Variants in DEFB116 observed in about 807,000 individuals in gnomAD.
The protein encoded by DEFB116 is beta-defensin 116.
A neutral mutation model predicts 2.8 loss-of-function variants in DEFB116; 5 were observed. That is an observed-to-expected ratio of 1.80 (90% CI 0.94 to 3.79). The LOEUF (loss-of-function observed/expected upper bound fraction) is 3.79, where lower values mean the gene tolerates loss of function less well. Among genes scored for constraint, DEFB116 ranks in the 30% most tolerant of loss-of-function variants. The pLI is 0.00. For synonymous variants in DEFB116, 56 were observed against 40.8 expected (o/e 1.37, Z -1.42); for missense variants, 170 against 118.0 (o/e 1.44, Z -2.04).
intron 1 of DEFB116, 108 bp from the exon 2 acceptor site, chr20:31,303,561 A>G: frequency 6.9e-7 from 1 of 1,444,000 alleles, no homozygotes; most frequent in African/African-American, 1.4e-5. Context: ...CAAGATCTGG[A>G]ATCAAAACTA....
At chr20:31,307,116 A>G (rs534147532) in intron 1 of DEFB116, among the ~76,000 whole-genome samples, 3 of 152,240 alleles carry the variant, frequency 2.0e-5, no homozygotes, top group South Asian at 2.1e-4. Context: ...CCATGAAACC[A>G]TCATCACAAT....
Position 31,303,344 on chromosome 20 carries a change from T to A in DEFB116, c.177A>T (p.Leu59Phe), listed in dbSNP as rs1984925664. Residue 59 changes from leucine (L) to phenylalanine (F), a missense_variant, in exon 2 of 2, where the codon TTA (leucine) becomes TTT (phenylalanine). By Grantham distance (22) the Leu-to-Phe change is conservative. Coordinates refer to ENST00000400549, the MANE Select transcript of DEFB116 (RefSeq NM_001037731.1). ...NACREYEIQY[L>F]TCPNDQKCCL... is the part of the protein sequence containing the mutation. ...AGCACTTTTGATCATTTGGGCAGGT[T>A]AAGTATTGGATTTCATATTCTCTGC... is the stretch of plus-strand genomic sequence containing the variant. 1.9e-6 allele frequency: 3 copies of A among 1,613,630 alleles called. No homozygotes were observed. The highest frequency in any genetic ancestry group is 2.5e-6 in the Non-Finnish European group (3 of 1,179,608).
At chr20:31,305,963 C>T (rs907497184) in intron 1 of DEFB116, among the ~76,000 whole-genome samples, 18 of 152,194 alleles carry the variant, frequency 1.2e-4, no homozygotes, top group South Asian at 2.1e-4. Context: ...CACGATTCTG[C>T]CTAGCCTTCT....
At chr20:31,305,314 T>C (rs1450745676) in intron 1 of DEFB116, among the ~76,000 whole-genome samples, 1 of 152,030 alleles carries the variant, frequency 6.6e-6, no homozygotes, top group Non-Finnish European at 1.5e-5. Flanking sequence ...ACTTTTCCTT[T>C]CTACCAAACA....
chr20:31,306,808 C>T (rs1985000366), intron 1 of DEFB116, among the ~76,000 whole-genome samples: 1 of 152,046 alleles, frequency 6.6e-6, no homozygotes. Context: ...TGAGACTGCT[C>T]CCATATCTCT....
At chr20:31,307,431 G>A (rs1481726884) in intron 1 of DEFB116, among the ~76,000 whole-genome samples, 3 of 152,052 alleles carry the variant, frequency 2.0e-5, no homozygotes, top group African/African-American at 7.2e-5. Context: ...ATGGATTAAA[G>A]ACTTAAATCT....
At chr20:31,304,166 T>C (rs1984943008) in intron 1 of DEFB116, among the ~76,000 whole-genome samples, 1 of 152,080 alleles carries the variant, frequency 6.6e-6, no homozygotes, top group African/African-American at 2.4e-5. Context: ...TTTCCACATA[T>C]TGCTAATTGC....
At chr20:31,307,884 T>C (rs1226420298) in intron 1 of DEFB116, among the ~76,000 whole-genome samples, 1 of 151,022 alleles carries the variant, frequency 6.6e-6, no homozygotes, top group Non-Finnish European at 1.5e-5. Flanking sequence ...AAAGCCCAAC[T>C]GCAAAACATA....
At position 31,303,253 on chromosome 20, in the gene DEFB116, T is replaced by A; in HGVS notation, c.268A>T (p.Asn90Tyr). ...CTTGAACTGTTTGTAACTGACAAGT[T>A]GGAGTTAGAGTCGTAATCCTCCTTC... ...NVKEDYDSNSNLSVTNSSSYS... is the reference protein window; with the variant it reads ...NVKEDYDSNSYLSVTNSSSYS... The change falls in exon 2 of 2, where the codon AAC becomes TAC. Residue 90 changes from asparagine to tyrosine, a missense_variant. Coordinates refer to ENST00000400549, the MANE Select transcript of DEFB116 (RefSeq NM_001037731.1). 1 of 1,613,564 alleles carries A rather than the reference T, an allele frequency of 6.2e-7. No individual in the cohort carries two copies. The highest frequency in any genetic ancestry group is 1.3e-5 in the African/African-American group (1 of 75,010).
At chr20:31,307,376 A>G (rs1985014463) in intron 1 of DEFB116, among the ~76,000 whole-genome samples, 1 of 152,166 alleles carries the variant, frequency 6.6e-6, no homozygotes, top group South Asian at 2.1e-4. Context: ...GCAAAATAAT[A>G]AAATTGGATA....
chr20:31,305,929 TG>T (rs1407473962), intron 1 of DEFB116, among the ~76,000 whole-genome samples: 1 of 152,124 alleles, frequency 6.6e-6, no homozygotes, highest in Non-Finnish European at 1.5e-5. Context: ...AAAATACTAA[TG>T]GGCTCCTGTT....
chr20:31,308,423 T>C (rs1985045132), intron 1 of DEFB116, 96 bp downstream of exon 1: 1 of 1,217,684 alleles, frequency 8.2e-7, no homozygotes, highest in Admixed American at 1.8e-5. Flanking sequence ...GCTTTAGGTG[T>C]TGCCCACTAT....
intron 1 of DEFB116, among the ~76,000 whole-genome samples, chr20:31,306,467 T>C (rs996235178): frequency 6.6e-6 from 1 of 152,178 alleles, no homozygotes; most frequent in African/African-American, 2.4e-5. Flanking sequence ...GAAGCTACAC[T>C]ATGTACAACT....
intron 1 of DEFB116, among the ~76,000 whole-genome samples, chr20:31,306,096 C>G (rs1984986060): frequency 6.6e-6 from 1 of 151,992 alleles, no homozygotes; most frequent in South Asian, 2.1e-4. Flanking sequence ...AAATTCCATC[C>G]CAAGCCAAAA....
chr20:31,303,653 A>G (rs1984933297), intron 1 of DEFB116, among the ~76,000 whole-genome samples, 200 bp from the exon 2 acceptor site: 1 of 152,174 alleles, frequency 6.6e-6, no homozygotes. Context: ...CCTCCATTGC[A>G]TCATCTTCAC....
intron 1 of DEFB116, 58 bp from the exon 2 acceptor site, chr20:31,303,511 G>A (rs754351070): frequency 9.4e-6 from 15 of 1,593,122 alleles, no homozygotes; most frequent in Admixed American, 1.8e-5. Flanking sequence ...GGGTGATGAA[G>A]CATGATTTAA....
intron 1 of DEFB116, among the ~76,000 whole-genome samples, chr20:31,306,966 T>C (rs1167165393): frequency 1.3e-5 from 2 of 152,142 alleles, no homozygotes; most frequent in Non-Finnish European, 2.9e-5. Context: ...TTGAAAATAA[T>C]ACTGGATATT....
At chr20:31,304,521 T>C (rs1418928990) in intron 1 of DEFB116, among the ~76,000 whole-genome samples, 1 of 152,094 alleles carries the variant, frequency 6.6e-6, no homozygotes, top group Non-Finnish European at 1.5e-5. Flanking sequence ...TGCATTCTCA[T>C]AGCTTATACT....
intron 1 of DEFB116, 73 bp downstream of exon 1, chr20:31,308,446 G>A: frequency 6.8e-7 from 1 of 1,476,650 alleles, no homozygotes; most frequent in Admixed American, 1.7e-5. Flanking sequence ...GTGAGTAGGA[G>A]TCACTGCAGA....
Sources: gnomAD v4.1 joint callset for allele counts (sites outside exome capture counted in the v4.1 genomes callset) on GRCh38, gnomAD v4.1.1 for gene constraint, MANE v1.5 for transcripts, NCBI Gene and HGNC (gene_info 2026-07-23, HGNC 2026-07-21) for gene names.